The following PCDHA2 variants were observed in gnomAD, a reference collection of about 807,000 sequenced individuals.
The protein encoded by PCDHA2 is protocadherin alpha 2, also known as protocadherin alpha-2.
In PCDHA2, 58 loss-of-function variants were observed where a neutral mutation model predicts 66.0. The ratio of observed to expected loss-of-function variants is 0.88; its 90% CI spans 0.71 to 1.09. The LOEUF (loss-of-function observed/expected upper bound fraction) is 1.09. PCDHA2 is among the 50% of genes least tolerant of loss of function. The pLI, the probability that PCDHA2 is intolerant of heterozygous loss-of-function variation, is 0.00. For synonymous variants in PCDHA2, 634 were observed against 554.0 expected (o/e 1.14, Z -2.03); for missense variants, 1,267 against 1,242.3 (o/e 1.02, Z -0.30).
chr5:140,963,233 G>C (rs151988), intron 1 of PCDHA2, among the ~76,000 whole-genome samples: 50,230 of 151,972 alleles, frequency 0.33, 8,535 homozygotes, highest in East Asian at 0.53. Context: ...GACACTGTTT[G>C]ATGGATTAGG....
chr5:140,926,141 A>T (rs2082938262), intron 1 of PCDHA2, among the ~76,000 whole-genome samples: 1 of 152,038 alleles, frequency 6.6e-6, no homozygotes, highest in Non-Finnish European at 1.5e-5. Context: ...AGCAGGATCC[A>T]GCGCGGAAAG....
chr5:140,825,623 T>G (rs911523247), intron 1 of PCDHA2: 1 of 151,926 alleles, frequency 6.6e-6, no homozygotes, highest in African/African-American at 2.4e-5. Flanking sequence ...GGTTTCACCA[T>G]GTTGGTCATG....
At position 140,929,318 on chromosome 5, in the gene PCDHA2, A is replaced by G. The variant is rs78197291; in HGVS notation, c.2389-49631A>G. The G allele has an allele frequency of 3.9e-4, 606 of 1,545,240 alleles. 3 individuals carry two copies. The African/African-American group carries it at 7.7e-3, about 20-fold the overall frequency. ...AGGAAAGGGGATCACGCTAATGTCA[A>G]TGCCATGGTAAGCAAATTTTATGGA... On this transcript the variant is annotated intron_variant, in intron 1 of 3. Coordinates refer to ENST00000526136, the MANE Select transcript of PCDHA2 (RefSeq NM_018905.3).
intron 1 of PCDHA2, chr5:140,800,941 T>G: frequency 9.8e-7 from 1 of 1,017,480 alleles, no homozygotes; most frequent in Non-Finnish European, 1.3e-6. Context: ...TTGGGAAAGT[T>G]CAAACGACAT....
chr5:140,992,807 C>T (rs781970284), intron 3 of PCDHA2, among the ~76,000 whole-genome samples: 2 of 152,226 alleles, frequency 1.3e-5, no homozygotes, highest in African/African-American at 4.8e-5. Flanking sequence ...CCATATGTAT[C>T]TAAGGATGTG....
At chr5:140,865,903 A>G (rs2049042220) in intron 1 of PCDHA2, 1 of 152,134 alleles carries the variant, frequency 6.6e-6, no homozygotes, top group Non-Finnish European at 1.5e-5. Flanking sequence ...GTACAGGCAA[A>G]TCTTTCTTTC....
intron 1 of PCDHA2, among the ~76,000 whole-genome samples, chr5:140,941,206 T>TCTTCCTTC (rs201128549): frequency 1.0e-4 from 10 of 95,674 alleles, no homozygotes; most frequent in African/African-American, 3.6e-4. Flanking sequence ...TTTCTTCCTT[T>TCTTCCTTC]CTTTCTTCCT....
chr5:140,968,741 A>T, intron 1 of PCDHA2: 1 of 1,614,106 alleles, frequency 6.2e-7, no homozygotes, highest in Non-Finnish European at 8.5e-7. Context: ...TTTCAACCTG[A>T]CCGTGGTGGT....
intron 1 of PCDHA2, among the ~76,000 whole-genome samples, chr5:140,916,135 T>TG (rs1178819787): frequency 6.6e-6 from 1 of 152,126 alleles, no homozygotes; most frequent in Non-Finnish European, 1.5e-5. Flanking sequence ...GCTTAAGGGC[T>TG]GTTCAGTTGT....
intron 1 of PCDHA2, chr5:140,928,025 G>T: frequency 6.2e-7 from 1 of 1,614,148 alleles, no homozygotes; most frequent in South Asian, 1.1e-5. Flanking sequence ...GTCATTTGTG[G>T]CATGTCTAGT....
At chr5:140,942,445 A>G (rs1323056710) in intron 1 of PCDHA2, among the ~76,000 whole-genome samples, 5 of 152,016 alleles carry the variant, frequency 3.3e-5, no homozygotes, top group Non-Finnish European at 7.4e-5. Context: ...AAACAAGTAA[A>G]CTATCAATTA....
rs1428126460 is a variant in PCDHA2 at position 140,848,665 on chromosome 5, C to T, written c.2388+51313C>T. On this transcript the variant is annotated intron_variant, in intron 1 of 3. Coordinates refer to ENST00000526136, the MANE Select transcript of PCDHA2 (RefSeq NM_018905.3). ...GCGCAGGACCTGGGGCTGGAGCTGG[C>T]GGAGCTGGTGCCGCGCCTGTTCCAG... 1.9e-6 allele frequency: 3 copies of T among 1,592,226 alleles called. 1 individual carries two copies. The highest frequency in any genetic ancestry group is 2.6e-6 in the Non-Finnish European group (3 of 1,163,404).
In PCDHA2 at chr5:140,870,903, A is replaced by C. The variant is rs182770106; in HGVS notation, c.2388+73551A>C. On this transcript the variant is annotated intron_variant, in intron 1 of 3. Transcript: ENST00000526136. ...AGGTGCGCGCAGTGGATGCGGACTCAGGCTACAACGCGTGGCTTTCATATG... is the reference window on the plus strand; with the variant it reads ...AGGTGCGCGCAGTGGATGCGGACTCCGGCTACAACGCGTGGCTTTCATATG... 3.9e-4 allele frequency: 622 copies of C among 1,613,930 alleles called. 2 individuals carry two copies. The highest frequency in any genetic ancestry group is 2.8e-3 in the Middle Eastern group (17 of 6,060).
At chr5:140,898,906 G>A (rs199581699) in intron 1 of PCDHA2, among the ~76,000 whole-genome samples, 45,464 of 151,416 alleles carry the variant, frequency 0.3, 7,269 homozygotes, top group East Asian at 0.52. Context: ...GGTCCTTCAC[G>A]TCCCTTGTAA....
At position 140,941,191 on chromosome 5, in the gene PCDHA2, TTTTCTTTCTTCC is replaced by T. The variant is rs1293685535; in HGVS notation, c.2389-37735_2389-37724del. 2.6e-3 allele frequency among the ~76,000 whole-genome samples: 239 copies of T among 93,120 alleles called. 3 individuals are homozygous for T. Among genetic ancestry groups the T allele is most frequent in the East Asian group, 5.8e-3 (18 of 3,094 alleles). The allele number at this position is 93,120 out of a possible 152,430, so 61.1% of individuals were successfully genotyped here. ...CATCTTGAACATCCTGCTTCTTTTT[TTTTCTTTCTTCC>T]TTTCTTTCTTCCTTTCTTTCTTTCT... is the stretch of plus-strand genomic sequence containing the variant. On this transcript the variant is annotated intron_variant, in intron 1 of 3. Transcript: ENST00000526136.
intron 1 of PCDHA2, among the ~76,000 whole-genome samples, chr5:140,797,823 T>G (rs1480013194): frequency 6.6e-6 from 1 of 152,088 alleles, no homozygotes; most frequent in Non-Finnish European, 1.5e-5. Context: ...TGCCCTTGTC[T>G]ATGCAATAGT....
intron 3 of PCDHA2, among the ~76,000 whole-genome samples, chr5:141,005,117 C>A (rs2098198148): frequency 6.6e-6 from 1 of 152,214 alleles, no homozygotes; most frequent in South Asian, 2.1e-4. Flanking sequence ...TCTTTAGGGA[C>A]CCCAAAAGTG....
chr5:140,962,061 T>C (rs1554225775), intron 1 of PCDHA2, among the ~76,000 whole-genome samples: 2 of 151,824 alleles, frequency 1.3e-5, no homozygotes, highest in Non-Finnish European at 1.5e-5. Context: ...TTTTTTTGTA[T>C]TTTTTAGTAG....
In PCDHA2 at chr5:140,856,432, C is replaced by T. The variant is rs782418117; in HGVS notation, c.2388+59080C>T. On this transcript the variant is annotated intron_variant, in intron 1 of 3. Transcript: ENST00000526136. ...TGGAAGTGAAGGACATTAACGACAA[C>T]CCGCCCAGGTTCTCCGTAACAGAAC... 1.9e-6 allele frequency: 3 copies of T among 1,598,272 alleles called. No individual in the cohort carries two copies. In the African/African-American group the frequency reaches 4.0e-5, roughly 22 times the overall value.
Sources: allele counts gnomAD v4.1 joint callset (sites outside exome capture counted in the v4.1 genomes callset), GRCh38; gene constraint gnomAD v4.1.1; transcripts MANE v1.5; gene names NCBI Gene and HGNC (gene_info 2026-07-23, HGNC 2026-07-21).